Variants in APOBEC3G observed in about 807,000 individuals in gnomAD.
APOBEC3G encodes apolipoprotein B mRNA editing enzyme catalytic subunit 3G, also known as DNA dC->dU-editing enzyme APOBEC-3G.
Under a neutral mutation model 50.0 loss-of-function variants are expected in APOBEC3G, and 44 were observed. The observed-to-expected ratio is 0.88, with a 90% CI of 0.69 to 1.13. APOBEC3G has a LOEUF of 1.13. Among genes scored for constraint, APOBEC3G ranks in the 50% most tolerant of loss-of-function variants. The pLI, the probability that APOBEC3G is intolerant of heterozygous loss-of-function variation, is 0.00. For missense variants in APOBEC3G, 469 were observed against 492.0 expected (o/e 0.95, Z 0.44); for synonymous variants, 156 against 175.3 (o/e 0.89, Z 0.87).
intron 7 of APOBEC3G, 71 bp downstream of exon 7, chr22:39,087,197 TTCCCCTCTGCTCAGAGCCTCC>T: frequency 6.2e-6 from 10 of 1,607,180 alleles, no homozygotes; most frequent in Non-Finnish European, 8.5e-6. Flanking sequence ...GCGCCGTGCC[TTCCCCTCTGCTCAGAGCCTCC>T]TCTGGGTTCC....
chr22:39,084,166 T>C (rs1361902210), intron 5 of APOBEC3G, among the ~76,000 whole-genome samples: 2 of 152,144 alleles, frequency 1.3e-5, no homozygotes, highest in East Asian at 3.9e-4. Flanking sequence ...CCGTCCCCAC[T>C]CCTGCTGTGC....
rs1239837654 is a variant in APOBEC3G, at chr22:39,078,990, A to T, written c.76A>T (p.Ile26Phe). ...TFSYNFYNRP[I>F]LSRRNTVWLC... ...CTCCTACAACTTTTATAATAGACCCATCCTTTCTCGTCGGAATACCGTCTG... is the reference window on the plus strand; with the variant it reads ...CTCCTACAACTTTTATAATAGACCCTTCCTTTCTCGTCGGAATACCGTCTG... The change falls in exon 2 of 8, where the codon ATC becomes TTC. Residue 26 changes from isoleucine (I) to phenylalanine (F), a missense_variant. Ile to Phe is a conservative substitution (Grantham distance 21, BLOSUM62 0). Transcript: ENST00000407997. The T allele has an allele frequency of 6.2e-7, 1 of 1,614,052 alleles. No individual in the cohort carries two copies. Among genetic ancestry groups the T allele is most frequent in the African/African-American group, 1.3e-5 (1 of 74,912 alleles).
chr22:39,077,451 C>T lies in APOBEC3G; in HGVS notation c.17+73C>T, dbSNP rs1432643713. The T allele has an allele frequency of 8.4e-6, 13 of 1,553,858 alleles. No homozygotes were observed. The African/African-American group carries it at 1.4e-4, about 16-fold the overall frequency. ...GCCTGGTGGCTCTGCTGGGCGTCAG[C>T]CCTGGCCTTCCCCTGCCCCAGCCCC... On this transcript the variant is annotated intron_variant, in intron 1 of 7. Coordinates refer to ENST00000407997, the MANE Select transcript of APOBEC3G (RefSeq NM_021822.4).
At chr22:39,077,065 C>T (rs1928181960), upstream of APOBEC3G, 1 of 562,410 alleles carries the variant, frequency 1.8e-6, no homozygotes, top group African/African-American at 1.9e-5. Context: ...CAATGACTTT[C>T]TCTTTCCCTT....
Position 39,087,481 on chromosome 22 carries a change from T to C in APOBEC3G, c.*60T>C, listed in dbSNP as rs540261431. ...CTGGGTTGAGCCTCAGAATAAAAGA[T>C]CTTCTTCCAAGAAATGCAAACAGGC... On this transcript the variant is annotated 3_prime_UTR_variant, in exon 8 of 8. Transcript: ENST00000407997. 6.2e-7 allele frequency: 1 copy of C among 1,613,640 alleles called. No homozygotes were observed. Among genetic ancestry groups the C allele is most frequent in the African/African-American group, 1.3e-5 (1 of 75,022 alleles).
intron 4 of APOBEC3G, 120 bp from the exon 5 acceptor site, chr22:39,083,605 AAGGGAT>A (rs1359696803): frequency 8.7e-7 from 1 of 1,147,690 alleles, no homozygotes; most frequent in African/African-American, 1.5e-5. Flanking sequence ...GACAGGTGCT[AAGGGAT>A]GTGGGGAGCC....
intron 1 of APOBEC3G, 159 bp from the exon 2 acceptor site, chr22:39,078,773 C>G (rs1286111250): frequency 1.0e-6 from 1 of 967,508 alleles, no homozygotes; most frequent in Non-Finnish European, 1.5e-6. Context: ...AGTGTAGTGG[C>G]GCGATCTTGG....
Position 39,086,533 on chromosome 22 carries a change from G to C in APOBEC3G, c.990G>C (p.Glu330Asp). The C allele has an allele frequency of 6.2e-7, 1 of 1,610,374 alleles. No individual in the cohort carries two copies. The highest frequency in any genetic ancestry group is 1.7e-5 in the Admixed American group (1 of 59,834). ...AGGAGGGGCTGCGCACCCTGGCCGA[G>C]GCTGGGGCCAAAATTTCAATAATGA... is the stretch of plus-strand genomic sequence containing the variant. ...RCQEGLRTLAEAGAKISIMTY... is the reference protein window; with the variant it reads ...RCQEGLRTLADAGAKISIMTY... Residue 330 changes from glutamate (E) to aspartate (D), a missense_variant, in exon 6 of 8, where the codon GAG (glutamate) becomes GAC (aspartate). Coordinates refer to ENST00000407997, the MANE Select transcript of APOBEC3G (RefSeq NM_021822.4).
chr22:39,080,819 C>A, intron 2 of APOBEC3G, 114 bp from the exon 3 acceptor site: 1 of 964,294 alleles, frequency 1.0e-6, no homozygotes, highest in Non-Finnish European at 1.5e-6. Context: ...AGGAAAGGAG[C>A]TTCAATGGCA....
At chr22:39,081,839 A>C in intron 4 of APOBEC3G, 1 of 437,950 alleles carries the variant, frequency 2.3e-6, no homozygotes, top group Non-Finnish European at 4.1e-6. Flanking sequence ...AGCAACCTCC[A>C]TCCACCCCCA....
At chr22:39,079,147 C>T (rs1217915028) in intron 2 of APOBEC3G, 62 bp downstream of exon 2, 41 of 1,577,242 alleles carry the variant, frequency 2.6e-5, no homozygotes, top group South Asian at 4.7e-5. Flanking sequence ...AAGCAAACCA[C>T]GCACTGATAA....
At chr22:39,082,047 A>G (rs899955466) in intron 4 of APOBEC3G, 8 of 163,890 alleles carry the variant, frequency 4.9e-5, no homozygotes, top group Admixed American at 4.6e-4. Context: ...CGGCTGCCAT[A>G]GAAGATGGCC....
chr22:39,087,164 C>G, intron 7 of APOBEC3G, 38 bp downstream of exon 7: 1 of 1,613,014 alleles, frequency 6.2e-7, no homozygotes, highest in Non-Finnish European at 8.5e-7. Flanking sequence ...CCCCATCGGC[C>G]TCCCCCTCCT....
chr22:39,077,959 C>G (rs537612546), intron 1 of APOBEC3G, among the ~76,000 whole-genome samples: 34 of 152,210 alleles, frequency 2.2e-4, no homozygotes, highest in South Asian at 4.1e-4. Context: ...TAAATGACAC[C>G]AGTAACATGG....
intron 3 of APOBEC3G, 65 bp downstream of exon 3, chr22:39,081,292 A>T: frequency 1.3e-6 from 2 of 1,580,972 alleles, no homozygotes; most frequent in South Asian, 2.4e-5. Context: ...GGTCCTTCCC[A>T]CACATACCTG....
chr22:39,081,965 G>A lies in APOBEC3G; in HGVS notation c.581+380G>A, dbSNP rs1928484982. 2.6e-5 allele frequency: 5 copies of A among 189,386 alleles called. No individual in the cohort carries two copies. In the South Asian group the frequency reaches 5.3e-4, roughly 20 times the overall value. 11.7% of individuals were successfully genotyped at this position (189,386 alleles called of 1,614,324 possible). A position where few individuals can be genotyped will look rare whatever the true frequency, so the allele number is the denominator to read the frequency against. On this transcript the variant is annotated intron_variant, in intron 4 of 7. Coordinates refer to ENST00000407997, the MANE Select transcript of APOBEC3G (RefSeq NM_021822.4). The stretch of plus-strand genomic sequence containing the variant: ...CACAAGCCCGGCAGTCAGAAGCTTT[G>A]AGCAACATCCTTAAAGGCCAACCTG...
At chr22:39,084,003 T>A (rs1175993486) in intron 5 of APOBEC3G, 119 bp downstream of exon 5, 1 of 1,272,078 alleles carries the variant, frequency 7.9e-7, no homozygotes, top group Non-Finnish European at 1.1e-6. Context: ...CTGTGCTTCC[T>A]GTAGCTGCTG....
intron 2 of APOBEC3G, 183 bp downstream of exon 2, chr22:39,079,268 T>C: frequency 1.2e-6 from 1 of 861,064 alleles, no homozygotes; most frequent in East Asian, 2.8e-5. Context: ...GTGGAGGGGG[T>C]TTGCCTCTGC....
chr22:39,079,180 A>G (rs1928315715), intron 2 of APOBEC3G, 95 bp downstream of exon 2: 1 of 1,447,568 alleles, frequency 6.9e-7, no homozygotes, highest in Non-Finnish European at 9.2e-7. Context: ...GCGGCGGGCT[A>G]TCCAGTGTGT....
Sources: gnomAD v4.1 joint callset for allele counts (sites outside exome capture counted in the v4.1 genomes callset) on GRCh38, gnomAD v4.1.1 for gene constraint, MANE v1.5 for transcripts, NCBI Gene and HGNC (gene_info 2026-07-23, HGNC 2026-07-21) for gene names.